RANBP17: variants seen among roughly 807,000 people sequenced by gnomAD.
The protein encoded by RANBP17 is ran-binding protein 17.
Under a neutral mutation model 141.2 loss-of-function variants are expected in RANBP17, and 158 were observed. That is an observed-to-expected ratio of 1.12 (90% CI 0.98 to 1.28). The LOEUF is 1.28. Ranked by LOEUF, RANBP17 falls within the 50% of genes most tolerant of loss-of-function variation. The pLI, the probability that RANBP17 is intolerant of heterozygous loss-of-function variation, is 0.00. For missense variants in RANBP17, 1,438 were observed against 1,290.7 expected (o/e 1.11, Z -1.75); for synonymous variants, 430 against 450.0 (o/e 0.96, Z 0.56).
intron 14 of RANBP17, among the ~76,000 whole-genome samples, chr5:171,091,884 T>C (rs1786314352): frequency 6.6e-6 from 1 of 152,302 alleles, no homozygotes; most frequent in Admixed American, 6.5e-5. Context: ...AATCGCCCAG[T>C]CTTGGGTATG....
chr5:170,866,182 C>T (rs973802268), intron 1 of RANBP17, among the ~76,000 whole-genome samples: 2 of 152,074 alleles, frequency 1.3e-5, no homozygotes, highest in Non-Finnish European at 2.9e-5. Flanking sequence ...TATGGCCAGC[C>T]CCTCCCCTAA....
At chr5:171,237,558 C>T (rs920195246) in intron 22 of RANBP17, among the ~76,000 whole-genome samples, 2 of 152,176 alleles carry the variant, frequency 1.3e-5, no homozygotes, top group African/African-American at 4.8e-5. Flanking sequence ...ATCTTTTTCC[C>T]CTCCCCAAAT....
rs11453608 is a variant in RANBP17 at position 171,128,821 on chromosome 5, A to ACC, written c.1711-41302_1711-41301dup. On this transcript the variant is annotated intron_variant, in intron 14 of 27. Transcript: ENST00000523189. The stretch of plus-strand genomic sequence containing the variant: ...TTAATAAAAAAATAAAATAGTCAAG[A>ACC]CCCCCCCCAAAAAAAATTTGGACAT... Among the ~76,000 whole-genome samples the ACC allele has an allele frequency of 1.4e-3, 213 of 151,032 alleles. 2 individuals carry two copies. The highest frequency in any genetic ancestry group is 8.0e-3 in the East Asian group (41 of 5,142).
intron 14 of RANBP17, among the ~76,000 whole-genome samples, chr5:171,057,650 G>C (rs1783490265): frequency 1.0e-5 from 1 of 96,768 alleles, no homozygotes; most frequent in Non-Finnish European, 2.5e-5. Context: ...CCCAAGACTT[G>C]ATAATTTATA....
At chr5:170,866,190 T>C (rs920728437) in intron 1 of RANBP17, among the ~76,000 whole-genome samples, 1 of 152,100 alleles carries the variant, frequency 6.6e-6, no homozygotes, top group African/African-American at 2.4e-5. Context: ...GCCCCTCCCC[T>C]AAATAAAAAC....
intron 14 of RANBP17, among the ~76,000 whole-genome samples, chr5:171,162,292 T>C (rs937282379): frequency 6.6e-6 from 1 of 152,184 alleles, no homozygotes; most frequent in Admixed American, 6.5e-5. Context: ...ACTCTCCATT[T>C]TCTCTGGTTG....
At chr5:171,163,607 C>A (rs982556427) in intron 14 of RANBP17, among the ~76,000 whole-genome samples, 1 of 152,166 alleles carries the variant, frequency 6.6e-6, no homozygotes, top group Non-Finnish European at 1.5e-5. Context: ...CCTAAATTCT[C>A]TTCCTAAGGA....
At chr5:171,016,730 C>A (rs545555168) in intron 14 of RANBP17, among the ~76,000 whole-genome samples, 1 of 151,646 alleles carries the variant, frequency 6.6e-6, no homozygotes, top group East Asian at 1.9e-4. Context: ...AGTTGTACCT[C>A]TGTTTTATTT....
At chr5:171,001,076 AGTG>A (rs1161473402) in intron 14 of RANBP17, among the ~76,000 whole-genome samples, 2 of 152,138 alleles carry the variant, frequency 1.3e-5, no homozygotes, top group East Asian at 3.9e-4. Context: ...AAAGCAAAAT[AGTG>A]GTGAAGTGTT....
Position 170,909,744 on chromosome 5 carries a change from A to G in RANBP17, c.573A>G (p.Leu191=). 1 of 1,543,328 alleles carries G rather than the reference A, an allele frequency of 6.5e-7. No individual in the cohort carries two copies. The highest frequency in any genetic ancestry group is 8.9e-7 in the Non-Finnish European group (1 of 1,117,570). The change falls in exon 6 of 28, where the codon CTA becomes CTG. Residue 191 remains leucine (L), a synonymous_variant. Transcript: ENST00000523189. ...CTTCTCTCAAAGACGTTTTAGTGCT[A>G]GCATGCTCTCTTTTAAAAGAGGTAA... The part of the protein sequence containing the change: ...RDTSLKDVLV[L]ACSLLKEVFA...
At chr5:170,990,065 T>C (rs1233400904) in intron 14 of RANBP17, among the ~76,000 whole-genome samples, 1 of 151,856 alleles carries the variant, frequency 6.6e-6, no homozygotes, top group Admixed American at 6.6e-5. Flanking sequence ...ACTATAATTG[T>C]CTAAGTTTGA....
intron 14 of RANBP17, among the ~76,000 whole-genome samples, chr5:171,076,071 T>G (rs772228482): frequency 3.9e-5 from 6 of 152,216 alleles, no homozygotes; most frequent in Non-Finnish European, 5.9e-5. Flanking sequence ...GATGTACATA[T>G]GACTATATTT....
At chr5:170,908,041 G>A (rs1771213708) in intron 5 of RANBP17, among the ~76,000 whole-genome samples, 1 of 152,030 alleles carries the variant, frequency 6.6e-6, no homozygotes, top group Non-Finnish European at 1.5e-5. Flanking sequence ...TAGCAAGGCT[G>A]TGGAGAAAAG....
intron 14 of RANBP17, among the ~76,000 whole-genome samples, chr5:171,167,687 A>T (rs1383791517): frequency 3.3e-5 from 5 of 152,150 alleles, no homozygotes; most frequent in African/African-American, 7.2e-5. Flanking sequence ...AGTTAAGGGC[A>T]CACAGTCTCT....
chr5:170,904,151 A>G (rs867761188), intron 5 of RANBP17: 3 of 333,252 alleles, frequency 9.0e-6, no homozygotes, highest in South Asian at 3.5e-5. Flanking sequence ...CATCTCTACA[A>G]TTTGTCTCCT....
chr5:170,949,656 A>G (rs752547220), intron 12 of RANBP17, among the ~76,000 whole-genome samples: 1 of 152,208 alleles, frequency 6.6e-6, no homozygotes, highest in African/African-American at 2.4e-5. Context: ...TTTTGCAAAC[A>G]TTATGGCAGT....
At chr5:170,964,503 C>T (rs1385746697) in intron 13 of RANBP17, among the ~76,000 whole-genome samples, 2 of 152,016 alleles carry the variant, frequency 1.3e-5, no homozygotes, top group Non-Finnish European at 2.9e-5. Flanking sequence ...CCCATCAACT[C>T]GTCATTTAGC....
At chr5:170,887,256 A>G (rs918529894) in intron 3 of RANBP17, among the ~76,000 whole-genome samples, 4 of 152,088 alleles carry the variant, frequency 2.6e-5, no homozygotes, top group African/African-American at 4.8e-5. Flanking sequence ...TTCTCTTGAC[A>G]TTGTCTTTTG....
intron 14 of RANBP17, among the ~76,000 whole-genome samples, chr5:171,136,562 C>G (rs1483242985): frequency 6.6e-6 from 1 of 152,034 alleles, no homozygotes; most frequent in African/African-American, 2.4e-5. Context: ...TGAGCAGGAT[C>G]AAAAATGAAT....
Sources: allele counts gnomAD v4.1 joint callset (sites outside exome capture counted in the v4.1 genomes callset), GRCh38; gene constraint gnomAD v4.1.1; transcripts MANE v1.5; gene names NCBI Gene and HGNC (gene_info 2026-07-23, HGNC 2026-07-21).